The following BRIP1 variants were observed in gnomAD, a reference collection of about 807,000 sequenced individuals.
The protein encoded by BRIP1 is Fanconi anemia group J protein.
A neutral mutation model predicts 119.7 loss-of-function variants in BRIP1; 88 were observed. The observed-to-expected ratio is 0.74, with a 90% CI of 0.62 to 0.88. The LOEUF (loss-of-function observed/expected upper bound fraction) is 0.88. Ranked by LOEUF, BRIP1 falls within the 40% of genes least tolerant of loss-of-function variation. BRIP1 has a pLI of 0.00. For missense variants in BRIP1, 1,259 were observed against 1,455.4 expected (o/e 0.87, Z 2.20); for synonymous variants, 443 against 496.5 (o/e 0.89, Z 1.43).
rs780020495 is a variant in BRIP1 at position 61,780,893 on chromosome 17, G to A, written c.1741C>T (p.Arg581Ter). ...LVLPKNKKRS[R>*]QKTAVHVLNF... ...AGCACATGAACTGCAGTTTTCTGTC[G>A]TGAACGTTTCTTATTTTTTGGTAGA... The change falls in exon 12 of 20, where the codon CGA becomes TGA. Residue 581 changes from arginine (R) to a stop codon, truncating the protein, a stop_gained. Coordinates refer to ENST00000259008, the MANE Select transcript of BRIP1 (RefSeq NM_032043.3). LOFTEE classifies it high-confidence loss of function. This position sits in a 1 kb window ranked among gnomAD's most constrained non-coding sequence, Gnocchi z 5.4. The A allele has an allele frequency of 8.7e-6, 14 of 1,614,126 alleles. No homozygotes were observed. The highest frequency in any genetic ancestry group is 2.2e-5 in the East Asian group (1 of 44,880).
chr17:61,830,769 T>G (rs577401037), intron 6 of BRIP1, among the ~76,000 whole-genome samples: 1 of 152,308 alleles, frequency 6.6e-6, no homozygotes, highest in South Asian at 2.1e-4. Context: ...ACTTCCCAAC[T>G]CATTTTATAA....
At position 61,806,187 on chromosome 17, in the gene BRIP1, C is replaced by T. The variant is rs2078070862; in HGVS notation, c.918+2280G>A. ...CAGTGTAACACAACCCTGAGGAAGT[C>T]TGTCAATTGAAGTGTTATCACACTT... On this transcript the variant is annotated intron_variant, in intron 7 of 19. Coordinates refer to ENST00000259008, the MANE Select transcript of BRIP1 (RefSeq NM_032043.3). The surrounding 1 kb of genome is among the most constrained non-coding windows in gnomAD (Gnocchi z 4.9). 6.6e-6 allele frequency among the ~76,000 whole-genome samples: 1 copy of T among 152,184 alleles called. No homozygotes were observed. The highest frequency in any genetic ancestry group is 1.5e-5 in the Non-Finnish European group (1 of 68,036).
At chr17:61,829,461 T>G (rs2078456747) in intron 6 of BRIP1, among the ~76,000 whole-genome samples, 1 of 151,546 alleles carries the variant, frequency 6.6e-6, no homozygotes, top group Non-Finnish European at 1.5e-5. Flanking sequence ...AATCCACAAT[T>G]ATAGGACCCT....
Position 61,847,110 on chromosome 17 carries a change from C to G in BRIP1, c.618G>C (p.Ser206=), listed in dbSNP as rs367614726. ...NSPLEKINSF[S]PQKPPGHCSR... Reference sequence around the variant, plus strand: ...TGGCATTAATACATACTTTCTGTGGCGAAAAGGAGTTTATCTTTTCCAGTG... The same window carrying G: ...TGGCATTAATACATACTTTCTGTGGGGAAAAGGAGTTTATCTTTTCCAGTG... Residue 206 remains serine (S), a synonymous_variant, in exon 6 of 20, where the codon TCG becomes TCC. Coordinates refer to ENST00000259008, the MANE Select transcript of BRIP1 (RefSeq NM_032043.3). 6.2e-7 allele frequency: 1 copy of G among 1,613,764 alleles called. No individual in the cohort carries two copies. Among genetic ancestry groups the G allele is most frequent in the Admixed American group, 1.7e-5 (1 of 60,020 alleles).
rs1368792932 is a variant in BRIP1, at chr17:61,801,239, A to G, written c.1140+14T>C. 6.3e-7 allele frequency: 1 copy of G among 1,596,176 alleles called. No homozygotes were observed. The highest frequency in any genetic ancestry group is 1.1e-5 in the South Asian group (1 of 90,704). On this transcript the variant is annotated intron_variant, in intron 8 of 19. Coordinates refer to ENST00000259008, the MANE Select transcript of BRIP1 (RefSeq NM_032043.3). ...GAGTAGGAAGAAGGTTCTCATTTTTACACATATACTCACACTTTCCCTTAT... is the reference window on the plus strand; with the variant it reads ...GAGTAGGAAGAAGGTTCTCATTTTTGCACATATACTCACACTTTCCCTTAT...
intron 3 of BRIP1, among the ~76,000 whole-genome samples, chr17:61,859,071 A>G (rs571064036): frequency 1.5e-4 from 22 of 151,258 alleles, no homozygotes; most frequent in Middle Eastern, 3.4e-3. Context: ...AAAAAAAAGG[A>G]AAAGTAGTGG....
rs772570870 is a variant in BRIP1 at position 61,799,193 on chromosome 17, C to T, written c.1247G>A (p.Arg416Gln). 8.1e-6 allele frequency: 13 copies of T among 1,613,252 alleles called. No homozygotes were observed. Among genetic ancestry groups the T allele is most frequent in the South Asian group, 2.2e-5 (2 of 91,068 alleles). ...ASYSVTEVQLRFARDELDSMV... is the reference protein window; with the variant it reads ...ASYSVTEVQLQFARDELDSMV... ...ACTATCTAGTTCATCCCGAGCAAACCGAAGCTGAACTTCTGTTACACTGTA... is the reference window on the plus strand; with the variant it reads ...ACTATCTAGTTCATCCCGAGCAAACTGAAGCTGAACTTCTGTTACACTGTA... The change falls in exon 9 of 20, where the codon CGG (arginine) becomes CAG (glutamine). Residue 416 changes from arginine (R) to glutamine (Q), a missense_variant. Physicochemically the swap from Arg to Gln is conservative, Grantham distance 43 (BLOSUM62 1). Around this residue, in one of 3 missense-constraint regions of BRIP1, gnomAD observed 501 missense variants for 544.0 expected, o/e 0.92. Coordinates refer to ENST00000259008, the MANE Select transcript of BRIP1 (RefSeq NM_032043.3). This position sits in a 1 kb window ranked among gnomAD's most constrained non-coding sequence, Gnocchi z 5.1.
chr17:61,687,981 C>G lies in BRIP1; in HGVS notation c.2576-1816G>C, dbSNP rs1250318395. On this transcript the variant is annotated intron_variant, in intron 18 of 19. Transcript: ENST00000259008. This position sits in a 1 kb window ranked among gnomAD's most constrained non-coding sequence, Gnocchi z 5.1. ...CACTAAGAACAAAAGCGCTGTGCAG[C>G]AAGTTTCTGCTCCACAGGAACCACA... 6.6e-6 allele frequency among the ~76,000 whole-genome samples: 1 copy of G among 152,158 alleles called. No homozygotes were observed. The highest frequency in any genetic ancestry group is 1.5e-5 in the Non-Finnish European group (1 of 68,034).
chr17:61,687,665 T>C lies in BRIP1; in HGVS notation c.2576-1500A>G, dbSNP rs1228468073. 6.6e-6 allele frequency among the ~76,000 whole-genome samples: 1 copy of C among 152,132 alleles called. No individual in the cohort carries two copies. The highest frequency in any genetic ancestry group is 6.5e-5 in the Admixed American group (1 of 15,276). Reference sequence around the variant, plus strand: ...ATAATAAAGATACACATGTATCCCATAGCTCTTTAGTAATCACTCCTGGTA... The same window carrying C: ...ATAATAAAGATACACATGTATCCCACAGCTCTTTAGTAATCACTCCTGGTA... On this transcript the variant is annotated intron_variant, in intron 18 of 19. Coordinates refer to ENST00000259008, the MANE Select transcript of BRIP1 (RefSeq NM_032043.3). The surrounding 1 kb of genome is among the most constrained non-coding windows in gnomAD (Gnocchi z 5.1).
chr17:61,688,523 C>A (rs1226872401), intron 18 of BRIP1, among the ~76,000 whole-genome samples: 1 of 151,792 alleles, frequency 6.6e-6, no homozygotes, highest in East Asian at 1.9e-4. Flanking sequence ...AAGGAATTTA[C>A]AGAGAAGTCC....
At chr17:61,765,399 A>T (rs1392892798) in intron 14 of BRIP1, among the ~76,000 whole-genome samples, 1 of 11,950 alleles carries the variant, frequency 8.4e-5, no homozygotes, top group Non-Finnish European at 1.7e-4. Context: ...ATATATATAT[A>T]TATATATATA....
Position 61,686,033 on chromosome 17 carries a change from TG to T in BRIP1, c.2707del (p.Gln903ArgfsTer9). 6.2e-7 allele frequency: 1 copy of T among 1,614,006 alleles called. No individual in the cohort carries two copies. The highest frequency in any genetic ancestry group is 8.5e-7 in the Non-Finnish European group (1 of 1,179,914). Reference sequence around the variant, plus strand: ...CACTTCAAGTGTAGACTCATTGTCCTGTATATTGGTTCTGTCCTTTATGGAT... The same window carrying T: ...CACTTCAAGTGTAGACTCATTGTCCTTATATTGGTTCTGTCCTTTATGGAT... ...NVSIKDRTNI[Q>X]DNESTLEVTS... On this transcript the variant is annotated frameshift_variant, in exon 19 of 20. Coordinates refer to ENST00000259008, the MANE Select transcript of BRIP1 (RefSeq NM_032043.3). LOFTEE classifies it high-confidence loss of function. The surrounding 1 kb of genome is among the most constrained non-coding windows in gnomAD (Gnocchi z 5.4).
chr17:61,808,438 T>C lies in BRIP1; in HGVS notation c.918+29A>G, dbSNP rs767681818. 3 of 1,583,880 alleles carry C rather than the reference T, an allele frequency of 1.9e-6. No individual in the cohort carries two copies. The highest frequency in any genetic ancestry group is 4.5e-5 in the East Asian group (2 of 44,702). ...AATTTAAATATTTTCAGCCTTATTT[T>C]TTCTCTAACACAAAATAACTTTACT... On this transcript the variant is annotated intron_variant, in intron 7 of 19. Transcript: ENST00000259008. The surrounding 1 kb of genome is among the most constrained non-coding windows in gnomAD (Gnocchi z 4.1).
chr17:61,763,678 T>C (rs2144872169), intron 14 of BRIP1, among the ~76,000 whole-genome samples: 1 of 152,298 alleles, frequency 6.6e-6, no homozygotes, highest in South Asian at 2.1e-4. Context: ...AAAAATGCAA[T>C]AACCCTTGAG....
At chr17:61,773,121 T>G (rs1053617571) in intron 14 of BRIP1, among the ~76,000 whole-genome samples, 3 of 151,986 alleles carry the variant, frequency 2.0e-5, no homozygotes, top group African/African-American at 7.2e-5. Flanking sequence ...TATAAAGGAT[T>G]ACTATCCACA....
intron 4 of BRIP1, among the ~76,000 whole-genome samples, chr17:61,850,789 T>C (rs2078809212): frequency 6.9e-6 from 1 of 145,214 alleles, no homozygotes; most frequent in South Asian, 2.3e-4. Context: ...GATCGCGCCA[T>C]GCACTCCAGC....
chr17:61,700,229 TAAGC>T lies in BRIP1; in HGVS notation c.2493-6721_2493-6718del, dbSNP rs2144252799. Reference sequence around the variant, plus strand: ...TAAAAAATCAAGAGTAAAAGAATTATAAGCAAGAAGTACCTTTATATTAACTTTT... The same window carrying T: ...TAAAAAATCAAGAGTAAAAGAATTATAAGAAGTACCTTTATATTAACTTTT... On this transcript the variant is annotated intron_variant, in intron 17 of 19. Coordinates refer to ENST00000259008, the MANE Select transcript of BRIP1 (RefSeq NM_032043.3). The surrounding 1 kb of genome is among the most constrained non-coding windows in gnomAD (Gnocchi z 4.1). 6.6e-6 allele frequency among the ~76,000 whole-genome samples: 1 copy of T among 152,306 alleles called. No homozygotes were observed. The highest frequency in any genetic ancestry group is 2.4e-5 in the African/African-American group (1 of 41,564).
chr17:61,765,967 A>T (rs936072507), intron 14 of BRIP1, among the ~76,000 whole-genome samples: 1 of 152,072 alleles, frequency 6.6e-6, no homozygotes, highest in Non-Finnish European at 1.5e-5. Flanking sequence ...AGTAGCTCTT[A>T]TATCTATCTT....
Position 61,738,157 on chromosome 17 carries a change from C to T in BRIP1, c.2379+4856G>A, listed in dbSNP as rs1207656000. On this transcript the variant is annotated intron_variant, in intron 16 of 19. Transcript: ENST00000259008. The surrounding 1 kb of genome is among the most constrained non-coding windows in gnomAD (Gnocchi z 4.2). ...CAGAGTAGCTGAGCCCAGCTAAAAT[C>T]GAGAGAGCCAACCAACCAAGCCCAA... 2.6e-5 allele frequency among the ~76,000 whole-genome samples: 4 copies of T among 152,270 alleles called. No individual in the cohort carries two copies. The highest frequency in any genetic ancestry group is 4.8e-5 in the African/African-American group (2 of 41,540).
Sources: gnomAD v4.1 joint callset for allele counts (sites outside exome capture counted in the v4.1 genomes callset) on GRCh38, gnomAD v4.1.1 for gene constraint, gnomAD v4.1.1 regional missense constraint, Gnocchi (gnomAD v3.1) non-coding constraint, MANE v1.5 for transcripts, NCBI Gene and HGNC (gene_info 2026-07-23, HGNC 2026-07-21) for gene names.